The following DPP4 variants were observed in gnomAD, a reference collection of about 807,000 sequenced individuals.
DPP4 encodes the protein ADCP-2.
DPP4 carries 93 observed loss-of-function variants against 122.4 expected under a neutral mutation model. That is an observed-to-expected ratio of 0.76 (90% CI 0.64 to 0.90). The LOEUF (loss-of-function observed/expected upper bound fraction) is 0.90. DPP4 is among the 40% of genes least tolerant of loss of function. The pLI is 0.00. For synonymous variants in DPP4, 321 were observed against 302.9 expected (o/e 1.06, Z -0.62); for missense variants, 914 against 907.3 (o/e 1.01, Z -0.09).
intron 8 of DPP4, among the ~76,000 whole-genome samples, chr2:162,036,101 A>G (rs1456429583): frequency 2.0e-5 from 3 of 152,172 alleles, no homozygotes; most frequent in Admixed American, 6.6e-5. Context: ...ACTGGCTCTT[A>G]ATATGTTGAA....
At chr2:162,020,193 G>C in intron 14 of DPP4, 36 bp downstream of exon 14, 1 of 1,554,504 alleles carries the variant, frequency 6.4e-7, no homozygotes, top group South Asian at 1.2e-5. Context: ...ATTATGACAA[G>C]TAGGTTTATA....
intron 2 of DPP4, among the ~76,000 whole-genome samples, chr2:162,062,172 T>G (rs181734283): frequency 3.5e-4 from 53 of 151,280 alleles, no homozygotes; most frequent in Middle Eastern, 3.5e-3. Context: ...GTGCCAGCTA[T>G]CTGGGAGGCT....
Position 162,018,733 on chromosome 2 carries a change from A to C in DPP4, c.1416T>G (p.Cys472Trp), listed in dbSNP as rs374497095. 1 of 1,613,818 alleles carries C rather than the reference A, an allele frequency of 6.2e-7. No individual in the cohort carries two copies. The highest frequency in any genetic ancestry group is 2.2e-5 in the East Asian group (1 of 44,868). Reference sequence around the variant, plus strand: ...TCCCAGGGAGCTCAGACTTACCGGAACATCTCAGCTGATAATACTTCGCCT... The same window carrying C: ...TCCCAGGGAGCTCAGACTTACCGGACCATCTCAGCTGATAATACTTCGCCT... ...SKEAKYYQLR[C>W]SGPGLPLYTL... The change falls in exon 16 of 26, where the codon TGT (cysteine) becomes TGG (tryptophan). Residue 472 changes from cysteine to tryptophan, a missense_variant. Transcript: ENST00000360534.
chr2:162,039,266 T>C, intron 5 of DPP4, 82 bp from the exon 6 acceptor site: 1 of 1,120,106 alleles, frequency 8.9e-7, no homozygotes, highest in South Asian at 1.3e-5. Flanking sequence ...GATGATAGGT[T>C]TGGTAATATA....
intron 19 of DPP4, 105 bp downstream of exon 19, chr2:162,014,290 AG>A: frequency 1.1e-6 from 1 of 872,620 alleles, no homozygotes; most frequent in Non-Finnish European, 1.8e-6. Flanking sequence ...ACAGTGATCC[AG>A]GAAGAGGGAA....
At chr2:161,998,832 GA>G (rs1295386125) in intron 23 of DPP4, among the ~76,000 whole-genome samples, 3 of 152,090 alleles carry the variant, frequency 2.0e-5, no homozygotes, top group Non-Finnish European at 4.4e-5. Context: ...AACATACTGA[GA>G]AAAAGACGAA....
At chr2:162,008,486 A>C in intron 22 of DPP4, 76 bp downstream of exon 22, 2 of 1,265,544 alleles carry the variant, frequency 1.6e-6, no homozygotes, top group East Asian at 4.6e-5. Context: ...ACTGAAACTC[A>C]GAAAGGAATG....
At chr2:162,063,817 G>C (rs1368078035) in intron 2 of DPP4, among the ~76,000 whole-genome samples, 1 of 152,134 alleles carries the variant, frequency 6.6e-6, no homozygotes, top group Non-Finnish European at 1.5e-5. Flanking sequence ...AGGTTGGCAG[G>C]GATGAGGGTG....
chr2:162,040,787 G>A (rs1260941717), intron 5 of DPP4, among the ~76,000 whole-genome samples: 1 of 151,930 alleles, frequency 6.6e-6, no homozygotes, highest in African/African-American at 2.4e-5. Flanking sequence ...TGGCTCATTT[G>A]TTATAACAAA....
At chr2:161,999,049 A>C (rs1361460986) in intron 23 of DPP4, among the ~76,000 whole-genome samples, 1 of 152,174 alleles carries the variant, frequency 6.6e-6, no homozygotes, top group Non-Finnish European at 1.5e-5. Flanking sequence ...TGAGAGGGAG[A>C]GAGGCAGCTG....
chr2:161,999,245 A>G (rs1701084199), intron 23 of DPP4, among the ~76,000 whole-genome samples: 1 of 152,234 alleles, frequency 6.6e-6, no homozygotes, highest in African/African-American at 2.4e-5. Context: ...AAGATAACAT[A>G]CAAAGCCAGA....
intron 2 of DPP4, among the ~76,000 whole-genome samples, chr2:162,054,951 G>A (rs1684515506): frequency 1.3e-5 from 2 of 152,128 alleles, no homozygotes; most frequent in Non-Finnish European, 2.9e-5. Context: ...CTGTAGATAT[G>A]TTACACTGCA....
intron 2 of DPP4, among the ~76,000 whole-genome samples, chr2:162,067,970 A>G (rs922083307): frequency 6.6e-6 from 1 of 152,220 alleles, no homozygotes; most frequent in Admixed American, 6.5e-5. Context: ...GCAAACCCCT[A>G]AACTTTCACG....
At chr2:162,046,385 T>G (rs1684174790) in intron 4 of DPP4, among the ~76,000 whole-genome samples, 1 of 152,074 alleles carries the variant, frequency 6.6e-6, no homozygotes, top group Admixed American at 6.5e-5. Context: ...ATAAGTGACT[T>G]GGAGGAGAAT....
chr2:162,045,386 A>G (rs1320185736), intron 5 of DPP4, 146 bp downstream of exon 5: 2 of 632,376 alleles, frequency 3.2e-6, no homozygotes, highest in Non-Finnish European at 5.6e-6. Flanking sequence ...TAAGAATGAG[A>G]ATGACTCTGA....
intron 23 of DPP4, among the ~76,000 whole-genome samples, chr2:162,001,813 G>C (rs759717): frequency 0.17 from 26,534 of 152,100 alleles, 2,552 homozygotes; most frequent in Middle Eastern, 0.26. Context: ...ACATATTGCA[G>C]AAAAGATGTT....
intron 4 of DPP4, among the ~76,000 whole-genome samples, chr2:162,046,350 CAAT>C (rs932773340): frequency 1.3e-5 from 2 of 152,076 alleles, no homozygotes; most frequent in Non-Finnish European, 2.9e-5. Flanking sequence ...TGACAGGAGT[CAAT>C]GATGATTCTG....
chr2:162,071,842 C>T (rs1160253806), intron 2 of DPP4, among the ~76,000 whole-genome samples: 5 of 152,214 alleles, frequency 3.3e-5, no homozygotes, highest in African/African-American at 1.2e-4. Context: ...CAGCAAGCCT[C>T]AGATCCCTAG....
At chr2:162,050,466 A>C (rs903026055) in intron 2 of DPP4, among the ~76,000 whole-genome samples, 16 of 152,140 alleles carry the variant, frequency 1.1e-4, no homozygotes, top group African/African-American at 3.6e-4. Context: ...GCTCCCTGTG[A>C]ATTGGATCCA....
Sources: gnomAD v4.1 joint callset for allele counts (sites outside exome capture counted in the v4.1 genomes callset) on GRCh38, gnomAD v4.1.1 for gene constraint, MANE v1.5 for transcripts, NCBI Gene and HGNC (gene_info 2026-07-23, HGNC 2026-07-21) for gene names.